TTC29: variants seen among roughly 807,000 people sequenced by gnomAD.
The protein encoded by TTC29 is tetratricopeptide repeat protein 29.
In TTC29, 49 loss-of-function variants were observed where a neutral mutation model predicts 58.1. The observed-to-expected ratio is 0.84, with a 90% CI of 0.67 to 1.07. The LOEUF (loss-of-function observed/expected upper bound fraction) is 1.07, where lower values mean the gene tolerates loss of function less well. Among genes scored for constraint, TTC29 ranks in the 50% least tolerant of loss-of-function variants. The probability of loss-of-function intolerance (pLI) is 0.00; values close to 1 mark genes in which losing one functional copy is unlikely to be tolerated. For synonymous variants in TTC29, 209 were observed against 196.8 expected (o/e 1.06, Z -0.52); for missense variants, 582 against 555.6 (o/e 1.05, Z -0.48).
intron 8 of TTC29, among the ~76,000 whole-genome samples, chr4:146,853,055 G>C (rs1729611486): frequency 6.6e-6 from 1 of 151,958 alleles, no homozygotes; most frequent in Non-Finnish European, 1.5e-5. Flanking sequence ...TTTTTACCAT[G>C]AACAACCTAT....
intron 11 of TTC29, among the ~76,000 whole-genome samples, chr4:146,728,794 C>G (rs1043809476): frequency 8.3e-6 from 1 of 119,848 alleles, no homozygotes; most frequent in Non-Finnish European, 1.7e-5. Context: ...TGTATATATA[C>G]GTATATATAC....
intron 10 of TTC29, among the ~76,000 whole-genome samples, chr4:146,819,729 T>A (rs1751688504): frequency 6.6e-6 from 1 of 152,216 alleles, no homozygotes; most frequent in South Asian, 2.1e-4. Flanking sequence ...GTGCCACAGC[T>A]GGATTAATAA....
chr4:146,779,897 A>G (rs1748459057), intron 11 of TTC29, among the ~76,000 whole-genome samples: 2 of 152,158 alleles, frequency 1.3e-5, no homozygotes, highest in Non-Finnish European at 2.9e-5. Flanking sequence ...CCTATTAACT[A>G]GTTAGCTGAA....
At chr4:146,715,959 G>C (rs1742899875) in intron 11 of TTC29, among the ~76,000 whole-genome samples, 1 of 152,072 alleles carries the variant, frequency 6.6e-6, no homozygotes, top group Non-Finnish European at 1.5e-5. Context: ...ATGATCTAAT[G>C]TCACTTGAAG....
intron 6 of TTC29, among the ~76,000 whole-genome samples, chr4:146,902,193 A>G (rs1733194408): frequency 6.6e-6 from 1 of 151,996 alleles, no homozygotes; most frequent in Non-Finnish European, 1.5e-5. Flanking sequence ...AGTTTGTATC[A>G]CAGACAGACT....
At chr4:146,922,000 C>A (rs1388552297) in intron 4 of TTC29, among the ~76,000 whole-genome samples, 2 of 124,470 alleles carry the variant, frequency 1.6e-5, no homozygotes, top group Non-Finnish European at 3.4e-5. Flanking sequence ...CTTCCCAATC[C>A]TGGATCCCCT....
chr4:146,899,106 G>T (rs1014484503), intron 6 of TTC29, among the ~76,000 whole-genome samples: 2 of 152,194 alleles, frequency 1.3e-5, no homozygotes, highest in African/African-American at 4.8e-5. Context: ...AGCTGCAACT[G>T]CAAGGCTTGG....
intron 9 of TTC29, 132 bp from the exon 10 acceptor site, chr4:146,820,380 A>T (rs1452857510): frequency 2.9e-6 from 3 of 1,033,226 alleles, no homozygotes; most frequent in Admixed American, 3.1e-5. Flanking sequence ...ATGTGTAAAT[A>T]CCAAATTAAA....
intron 6 of TTC29, among the ~76,000 whole-genome samples, chr4:146,902,003 A>G (rs944381694): frequency 6.6e-6 from 1 of 152,218 alleles, no homozygotes; most frequent in Non-Finnish European, 1.5e-5. Flanking sequence ...ACTCTGTTGC[A>G]TGGATGTTGC....
At chr4:146,930,744 G>T (rs1735277742) in intron 4 of TTC29, among the ~76,000 whole-genome samples, 1 of 152,090 alleles carries the variant, frequency 6.6e-6, no homozygotes, top group African/African-American at 2.4e-5. Flanking sequence ...AAACCATCTT[G>T]CCCCATACAT....
chr4:146,777,077 G>A (rs1319072361), intron 11 of TTC29, among the ~76,000 whole-genome samples: 1 of 152,210 alleles, frequency 6.6e-6, no homozygotes, highest in East Asian at 1.9e-4. Context: ...TGGAAGTTCG[G>A]ATGAGTGCTC....
intron 4 of TTC29, among the ~76,000 whole-genome samples, chr4:146,926,154 ATAAC>A (rs1477349112): frequency 6.6e-6 from 1 of 152,204 alleles, no homozygotes; most frequent in Non-Finnish European, 1.5e-5. Flanking sequence ...AGCTCTCTAA[ATAAC>A]TATTTTGTTG....
At chr4:146,929,413 T>C (rs1167037667) in intron 4 of TTC29, among the ~76,000 whole-genome samples, 1 of 152,210 alleles carries the variant, frequency 6.6e-6, no homozygotes, top group African/African-American at 2.4e-5. Context: ...CTTCCCCATG[T>C]CAGCTAGTAT....
At chr4:146,707,408 T>A in intron 12 of TTC29, 77 bp downstream of exon 12, 1 of 1,076,264 alleles carries the variant, frequency 9.3e-7, no homozygotes, top group Non-Finnish European at 1.4e-6. Flanking sequence ...TCTTTTTGTG[T>A]TTGGAGAATG....
chr4:146,839,190 C>T (rs1728693475), intron 8 of TTC29, among the ~76,000 whole-genome samples: 1 of 151,930 alleles, frequency 6.6e-6, no homozygotes, highest in African/African-American at 2.4e-5. Flanking sequence ...GATATATACC[C>T]ACTGGCCTTA....
intron 9 of TTC29, among the ~76,000 whole-genome samples, chr4:146,824,629 G>C (rs1727641035): frequency 6.6e-6 from 1 of 152,114 alleles, no homozygotes; most frequent in Non-Finnish European, 1.5e-5. Flanking sequence ...AAATGAGTTA[G>C]AGGAAATTCC....
chr4:146,799,025 C>T (rs1205553210), intron 11 of TTC29, among the ~76,000 whole-genome samples: 3 of 150,770 alleles, frequency 2.0e-5, no homozygotes, highest in Non-Finnish European at 4.4e-5. Flanking sequence ...AGGTTAAGGA[C>T]ACAAAATGAA....
chr4:146,821,493 T>A (rs1751823932), intron 9 of TTC29, among the ~76,000 whole-genome samples: 1 of 152,210 alleles, frequency 6.6e-6, no homozygotes, highest in African/African-American at 2.4e-5. Context: ...TCTTGAAAGC[T>A]TTCATTGGTA....
intron 11 of TTC29, chr4:146,764,178 T>G (rs1747120930): frequency 6.6e-6 from 1 of 152,138 alleles, no homozygotes; most frequent in Non-Finnish European, 1.5e-5. Context: ...CAGTATTCAA[T>G]CACCCTGTGA....
Sources: gnomAD v4.1 joint callset for allele counts (sites outside exome capture counted in the v4.1 genomes callset) on GRCh38, gnomAD v4.1.1 for gene constraint, MANE v1.5 for transcripts, NCBI Gene and HGNC (gene_info 2026-07-23, HGNC 2026-07-21) for gene names.